The following HCRTR2 variants were observed in gnomAD, a reference collection of about 807,000 sequenced individuals.
HCRTR2 encodes hypocretin receptor 2.
HCRTR2 carries 22 observed loss-of-function variants against 49.0 expected under a neutral mutation model. The ratio of observed to expected loss-of-function variants is 0.45; its 90% CI spans 0.32 to 0.64. The LOEUF is 0.64. Ranked by LOEUF, HCRTR2 falls within the 30% of genes least tolerant of loss-of-function variation. The probability of loss-of-function intolerance (pLI) is 0.04; values close to 1 mark genes in which losing one functional copy is unlikely to be tolerated. For synonymous variants in HCRTR2, 236 were observed against 205.3 expected (o/e 1.15, Z -1.28); for missense variants, 491 against 559.4 (o/e 0.88, Z 1.23).
At chr6:55,227,697 A>G (rs1018530562) in intron 1 of HCRTR2, among the ~76,000 whole-genome samples, 3 of 152,168 alleles carry the variant, frequency 2.0e-5, no homozygotes, top group African/African-American at 7.2e-5. Context: ...ATGGTGCATA[A>G]TACTTGATAT....
In HCRTR2 at chr6:55,152,475, T is replaced by G. The variant is rs1031109216; in HGVS notation, c.-377-21736T>G. 5.3e-5 allele frequency among the ~76,000 whole-genome samples: 8 copies of G among 152,008 alleles called. 1 individual carries two copies. The highest frequency in any genetic ancestry group is 5.3e-4 in the Admixed American group (8 of 15,226). On this transcript the variant is annotated intron_variant, in intron 1 of 7. Coordinates refer to the HCRTR2 transcript ENST00000615358. The stretch of plus-strand genomic sequence containing the variant: ...GAGTTGTAGCAGTTCCTTATATATT[T>G]TGGATATTAACTCTTTATCTGATAT...
chr6:55,192,280 A>G (rs1469505070), intron 1 of HCRTR2, among the ~76,000 whole-genome samples: 1 of 152,106 alleles, frequency 6.6e-6, no homozygotes. Flanking sequence ...TTGGCTGGAC[A>G]TGGTGGCTCA....
At chr6:55,117,620 C>A (rs1177685940) in intron 1 of HCRTR2, among the ~76,000 whole-genome samples, 1 of 151,354 alleles carries the variant, frequency 6.6e-6, no homozygotes, top group Non-Finnish European at 1.5e-5. Context: ...ACTATAATCA[C>A]CCTATTGTGC....
chr6:55,119,780 C>A (rs1426100894), intron 1 of HCRTR2, among the ~76,000 whole-genome samples: 1 of 152,044 alleles, frequency 6.6e-6, no homozygotes, highest in East Asian at 1.9e-4. Context: ...TTAATTACAT[C>A]CCATTTGTCA....
chr6:55,156,540 C>G (rs1205177807), intron 1 of HCRTR2, among the ~76,000 whole-genome samples: 1 of 151,264 alleles, frequency 6.6e-6, no homozygotes, highest in Non-Finnish European at 1.5e-5. Context: ...AGACAACTGT[C>G]TCTCTCTCAC....
chr6:55,172,386 T>C (rs1764963907), upstream of HCRTR2, among the ~76,000 whole-genome samples: 2 of 152,184 alleles, frequency 1.3e-5, no homozygotes, highest in South Asian at 2.1e-4. Flanking sequence ...TAGTTTGTTT[T>C]TTTTTAATCT....
rs535853380 is a variant in HCRTR2, at chr6:55,233,282, G to A, written c.224-15357G>A. On this transcript the variant is annotated intron_variant, in intron 1 of 6. Coordinates refer to ENST00000370862, the MANE Select transcript of HCRTR2 (RefSeq NM_001384272.1). ...TTTCTGTATTTTTTAGTAAACATGG[G>A]GTTTTACCATGTTGGCCAGGCTGGT... Among the ~76,000 whole-genome samples the A allele has an allele frequency of 3.2e-4, 49 of 152,082 alleles. 1 individual carries two copies. Among genetic ancestry groups the A allele is most frequent in the Middle Eastern group, 3.4e-3 (1 of 294 alleles).
intron 1 of HCRTR2, among the ~76,000 whole-genome samples, chr6:55,175,691 C>G (rs1765028020): frequency 6.6e-6 from 1 of 152,078 alleles, no homozygotes; most frequent in Admixed American, 6.5e-5. Context: ...CCCCCTCCCC[C>G]TAAACAATTT....
rs139955726 is a variant in HCRTR2 at position 55,258,931 on chromosome 6, A to T, written c.646+3552A>T. 6.6e-3 allele frequency among the ~76,000 whole-genome samples: 1,007 copies of T among 152,128 alleles called. 11 individuals are homozygous for T. Among genetic ancestry groups the T allele is most frequent in the African/African-American group, 0.022 (908 of 41,518 alleles). On this transcript the variant is annotated intron_variant, in intron 3 of 6. Transcript: ENST00000370862. ...CTGGGCATGGTGGTGGGCGCCTGTA[A>T]TTCCAGCTACTCGGGAAGCTGAGGC...
chr6:55,199,293 A>C (rs1765469831), intron 1 of HCRTR2, among the ~76,000 whole-genome samples: 1 of 151,740 alleles, frequency 6.6e-6, no homozygotes, highest in Non-Finnish European at 1.5e-5. Context: ...AGCATGTCAT[A>C]AAGTTGGGAA....
intron 1 of HCRTR2, among the ~76,000 whole-genome samples, chr6:55,168,316 G>T (rs2127265955): frequency 6.6e-6 from 1 of 152,074 alleles, no homozygotes; most frequent in African/African-American, 2.4e-5. Context: ...TTTTAAATAT[G>T]TAAAATTTAT....
At chr6:55,118,514 C>T (rs1458658372) in intron 1 of HCRTR2, among the ~76,000 whole-genome samples, 1 of 151,908 alleles carries the variant, frequency 6.6e-6, no homozygotes, top group East Asian at 1.9e-4. Context: ...TACACTCCCA[C>T]CAACAGTGGA....
chr6:55,240,859 G>GT (rs772855735), intron 1 of HCRTR2: 11 of 272,114 alleles, frequency 4.0e-5, no homozygotes, highest in South Asian at 3.1e-4. Context: ...ATTCAGTTGC[G>GT]TTTTTTTCTT....
At chr6:55,260,657 G>T (rs1160100822) in intron 3 of HCRTR2, among the ~76,000 whole-genome samples, 3 of 152,118 alleles carry the variant, frequency 2.0e-5, no homozygotes, top group Non-Finnish European at 2.9e-5. Flanking sequence ...CAAAAGAGAA[G>T]ATGGGTTTAG....
chr6:55,197,074 G>A (rs1765429172), intron 1 of HCRTR2, among the ~76,000 whole-genome samples: 1 of 152,050 alleles, frequency 6.6e-6, no homozygotes, highest in South Asian at 2.1e-4. Flanking sequence ...ACTCCCATCT[G>A]CCCCTTTTAC....
At chr6:55,117,335 G>A (rs1764131899) in intron 1 of HCRTR2, among the ~76,000 whole-genome samples, 3 of 151,734 alleles carry the variant, frequency 2.0e-5, no homozygotes, top group African/African-American at 4.8e-5. Context: ...AATGCTCAAA[G>A]AGGTTGAATC....
intron 1 of HCRTR2, among the ~76,000 whole-genome samples, chr6:55,135,120 C>T (rs1485813972): frequency 6.6e-6 from 1 of 151,988 alleles, no homozygotes; most frequent in African/African-American, 2.4e-5. Context: ...GAAATGGCAA[C>T]AGAAAGTGAA....
intron 1 of HCRTR2, among the ~76,000 whole-genome samples, chr6:55,162,345 A>G (rs139523046): frequency 1.3e-5 from 2 of 152,334 alleles, no homozygotes; most frequent in East Asian, 3.9e-4. Context: ...TTTTAAAACA[A>G]TAAGAGCTAT....
In HCRTR2 at chr6:55,193,886, A is replaced by T. The variant is rs375846765; in HGVS notation, c.223+19076A>T. Among the ~76,000 whole-genome samples the T allele has an allele frequency of 7.1e-4, 108 of 152,208 alleles. 3 individuals carry two copies. The South Asian group carries it at 0.017, about 24-fold the overall frequency. On this transcript the variant is annotated intron_variant, in intron 1 of 6. Transcript: ENST00000370862. ...ACCTTTCCTCTTCCGCTCCTCCCTG[A>T]TGATTGGTTCTGAGCTTATTATCAT...
Sources: allele counts gnomAD v4.1 joint callset (sites outside exome capture counted in the v4.1 genomes callset), GRCh38; gene constraint gnomAD v4.1.1; transcripts MANE v1.5; gene names NCBI Gene and HGNC (gene_info 2026-07-23, HGNC 2026-07-21).